Variants in PDE4DIP observed in about 807,000 individuals in gnomAD.
PDE4DIP encodes myomegalin.
Under a neutral mutation model 221.4 loss-of-function variants are expected in PDE4DIP, and 59 were observed. The ratio of observed to expected loss-of-function variants is 0.27; its 90% confidence interval spans 0.22 to 0.33. PDE4DIP has a LOEUF of 0.33. Among genes scored for constraint, PDE4DIP ranks in the 10% least tolerant of loss-of-function variants. The pLI is 1.00. For missense variants in PDE4DIP, 1,036 were observed against 2,154.2 expected (o/e 0.48, Z 10.28); for synonymous variants, 404 against 815.9 (o/e 0.50, Z 8.60).
intron 9 of PDE4DIP, among the ~76,000 whole-genome samples, chr1:148,963,352 C>T (rs1319431073): frequency 2.0e-5 from 3 of 152,144 alleles, no homozygotes; most frequent in African/African-American, 4.8e-5. Context: ...GGGTAAGGGG[C>T]GACTGCCGTA....
At chr1:148,982,179 T>C (rs587645236) in intron 21 of PDE4DIP, 1 of 152,364 alleles carries the variant, frequency 6.6e-6, no homozygotes, top group East Asian at 1.9e-4. Flanking sequence ...TATTGATTCC[T>C]TTAGGTTTCT....
intron 1 of PDE4DIP, among the ~76,000 whole-genome samples, chr1:148,902,822 T>G (rs1399703513): frequency 1.8e-5 from 2 of 110,914 alleles, no homozygotes; most frequent in Non-Finnish European, 3.4e-5. Flanking sequence ...GGCACTTGGG[T>G]TGGTTCCACG....
intron 1 of PDE4DIP, among the ~76,000 whole-genome samples, chr1:148,912,057 G>A (rs1553454823): frequency 1.4e-5 from 2 of 146,364 alleles, no homozygotes; most frequent in African/African-American, 5.2e-5. Context: ...CGGGGATCAT[G>A]GGGAGCCACA....
chr1:148,934,867 G>A (rs2048855920), intron 4 of PDE4DIP, among the ~76,000 whole-genome samples: 1 of 152,046 alleles, frequency 6.6e-6, no homozygotes, highest in South Asian at 2.1e-4. Flanking sequence ...GCCTCCCAAA[G>A]TGCTGGGATT....
chr1:149,032,809 A>C (rs1055464), exon 44 of PDE4DIP: 14,637 of 204,524 alleles, frequency 0.072, 1,692 homozygotes, highest in East Asian at 0.47. Context: ...GAGAGGCCCC[A>C]AGCCTAGTAA....
chr1:149,009,619 C>T (rs1553602889), exon 30 of PDE4DIP: 1 of 1,614,016 alleles, frequency 6.2e-7, no homozygotes, highest in Non-Finnish European at 8.5e-7. Flanking sequence ...TCCTGCAGGC[C>T]AAGCTGGATG....
chr1:148,972,817 C>T (rs2059455156), intron 16 of PDE4DIP, among the ~76,000 whole-genome samples: 1 of 151,208 alleles, frequency 6.6e-6, no homozygotes, highest in Non-Finnish European at 1.5e-5. Context: ...TCTATCCTTA[C>T]TCTCCTTTTC....
chr1:148,934,409 G>C (rs587714268), intron 4 of PDE4DIP, among the ~76,000 whole-genome samples: 1 of 152,144 alleles, frequency 6.6e-6, no homozygotes, highest in East Asian at 1.9e-4. Context: ...AGATGACCTT[G>C]AACAATTTTG....
At chr1:148,940,391 T>C (rs1553478789) in intron 5 of PDE4DIP, among the ~76,000 whole-genome samples, 1 of 152,214 alleles carries the variant, frequency 6.6e-6, no homozygotes, top group Non-Finnish European at 1.5e-5. Context: ...TAAAAATTTA[T>C]TGTTGTTATT....
intron 21 of PDE4DIP, chr1:148,985,643 T>C (rs1263000990): frequency 6.6e-6 from 1 of 152,190 alleles, no homozygotes; most frequent in African/African-American, 2.4e-5. Flanking sequence ...CAATACTAAT[T>C]CTACCCGTTT....
exon 43 of PDE4DIP, chr1:149,030,248 T>A: frequency 1.1e-5 from 16 of 1,512,782 alleles, no homozygotes; most frequent in Non-Finnish European, 1.4e-5. Flanking sequence ...GAACACATGA[T>A]GTTTTAAAGA....
At chr1:148,951,579 CCT>C (rs1185002041) in intron 5 of PDE4DIP, among the ~76,000 whole-genome samples, 3 of 152,232 alleles carry the variant, frequency 2.0e-5, no homozygotes, top group African/African-American at 4.8e-5. Flanking sequence ...TCTACCGTCC[CCT>C]GTCCTAAAAT....
At chr1:148,934,562 A>G (rs2048778224) in intron 4 of PDE4DIP, among the ~76,000 whole-genome samples, 1 of 152,194 alleles carries the variant, frequency 6.6e-6, no homozygotes, top group South Asian at 2.1e-4. Context: ...TCTCGTCATC[A>G]TTGCAGTTTA....
chr1:148,859,588 G>T (rs1553398575), intron 1 of PDE4DIP, among the ~76,000 whole-genome samples: 1 of 152,084 alleles, frequency 6.6e-6, no homozygotes, highest in Non-Finnish European at 1.5e-5. Flanking sequence ...TTAAGTGAAA[G>T]CATCATGGGA....
Position 149,028,392 on chromosome 1 carries a change from T to A in PDE4DIP, c.6670-168T>A, listed in dbSNP as rs587746009. On this transcript the variant is annotated intron_variant, in intron 40 of 43. Transcript: ENST00000369354. ...GGGTTCTGCAGGTGGAGGAAGGCATTCCTGGTAAAGGGAGCAGCACCTTAG... is the reference window on the plus strand; with the variant it reads ...GGGTTCTGCAGGTGGAGGAAGGCATACCTGGTAAAGGGAGCAGCACCTTAG... Among the ~76,000 whole-genome samples the A allele has an allele frequency of 3.3e-5, 5 of 150,742 alleles. No individual in the cohort carries two copies. In the East Asian group the frequency reaches 6.2e-4, roughly 19 times the overall value.
chr1:148,971,440 A>G (rs113252), intron 14 of PDE4DIP, among the ~76,000 whole-genome samples: 1 of 144,396 alleles, frequency 6.9e-6, no homozygotes, highest in Non-Finnish European at 1.5e-5. Flanking sequence ...TTTAAAAAAA[A>G]TTTTTTCCCA....
chr1:148,830,928 TTGGGTATATACCCAGTAA>T (rs1671896177), intron 1 of PDE4DIP, among the ~76,000 whole-genome samples: 1 of 146,408 alleles, frequency 6.8e-6, no homozygotes, highest in South Asian at 2.2e-4. Context: ...TTATAATCCT[TTGGGTATATACCCAGTAA>T]TGGGATTGCT....
chr1:149,018,267 T>C, intron 34 of PDE4DIP: 1 of 426,250 alleles, frequency 2.3e-6, no homozygotes, highest in Non-Finnish European at 4.2e-6. Context: ...GAGGCCAGTC[T>C]TTCCATATGT....
chr1:149,023,463 G>A (rs781786626), intron 37 of PDE4DIP, among the ~76,000 whole-genome samples: 35 of 146,724 alleles, frequency 2.4e-4, no homozygotes, highest in Admixed American at 4.1e-4. Flanking sequence ...TTGTAGCCTC[G>A]TAGAATATTT....
Sources: allele counts gnomAD v4.1 joint callset (sites outside exome capture counted in the v4.1 genomes callset), GRCh38; gene constraint gnomAD v4.1.1; transcripts MANE v1.5; gene names NCBI Gene and HGNC (gene_info 2026-07-23, HGNC 2026-07-21).